The following DLX1 variants were observed in gnomAD, a reference collection of about 807,000 sequenced individuals.
DLX1 encodes homeobox protein DLX-1.
In DLX1, 7 loss-of-function variants were observed where a neutral mutation model predicts 25.0. The ratio of observed to expected loss-of-function variants is 0.28; its 90% CI spans 0.16 to 0.52. The LOEUF (loss-of-function observed/expected upper bound fraction) is 0.52. Among genes scored for constraint, DLX1 ranks in the 20% least tolerant of loss-of-function variants. DLX1 has a pLI of 0.96. For missense variants in DLX1, 233 were observed against 334.4 expected, an observed-to-expected ratio of 0.70 and a Z score of 2.37; for synonymous variants, 155 against 140.3, an observed-to-expected ratio of 1.10 and a Z score of -0.74.
In DLX1 at chr2:172,088,101, C is replaced by T. The variant is rs758559781; in HGVS notation, c.612C>T (p.Ala204=). The T allele has an allele frequency of 3.3e-5, 53 of 1,604,998 alleles. No homozygotes were observed. Among genetic ancestry groups the T allele is most frequent in the Non-Finnish European group, 4.3e-5 (50 of 1,175,624 alleles). ...LEGSALANGR[A]LSAGSPPVPP... is the part of the protein sequence containing the mutation. ...GTAGTGCGTTGGCCAACGGTCGGGC[C>T]CTGTCTGCTGGCTCCCCACCCGTGC... Residue 204 remains alanine (A), a synonymous_variant, in exon 3 of 3, where the codon GCC becomes GCT. Coordinates refer to ENST00000361725, the MANE Select transcript of DLX1 (RefSeq NM_178120.5).
chr2:172,086,317 C>A lies in DLX1; in HGVS notation c.313+327C>A, dbSNP rs554593374. On this transcript the variant is annotated intron_variant, in intron 1 of 2. Transcript: ENST00000361725. ...TGCCCCGCTGGAAAACAGAAACCCA[C>A]ATGTGCACGTATTAGTCTCGGTAAT... The A allele has an allele frequency of 3.8e-4, 180 of 472,672 alleles. 1 individual carries two copies. Among genetic ancestry groups the A allele is most frequent in the African/African-American group, 3.2e-3 (162 of 50,698 alleles). 29.3% of individuals were successfully genotyped at this position (472,672 alleles called of 1,614,324 possible).
rs1403464905 is a variant in DLX1 at position 172,087,519 on chromosome 2, C to A, written c.514-484C>A. On this transcript the variant is annotated intron_variant, in intron 2 of 2. Coordinates refer to ENST00000361725, the MANE Select transcript of DLX1 (RefSeq NM_178120.5). ...AGAGAAGTTCAGCAAAACCTTGAGGCCTCCTTAGTCCGTCCCAACTCAAGG... is the reference window on the plus strand; with the variant it reads ...AGAGAAGTTCAGCAAAACCTTGAGGACTCCTTAGTCCGTCCCAACTCAAGG... 1.1e-5 allele frequency: 5 copies of A among 459,432 alleles called. No homozygotes were observed. In the East Asian group the frequency reaches 3.5e-4, roughly 32 times the overall value. 28.5% of individuals were successfully genotyped at this position (459,432 alleles called of 1,614,324 possible). A position where few individuals can be genotyped will look rare whatever the true frequency, so the allele number is the denominator to read the frequency against.
intron 2 of DLX1, chr2:172,087,272 G>A: frequency 2.6e-6 from 1 of 384,506 alleles, no homozygotes; most frequent in South Asian, 2.0e-5. Context: ...CCTTCTTACC[G>A]GTTGGGGGTG....
chr2:172,086,402 C>T (rs1411349682), intron 1 of DLX1: 5 of 488,180 alleles, frequency 1.0e-5, no homozygotes, highest in Non-Finnish European at 1.4e-5. Context: ...ACCTCAACTA[C>T]CGCCTGCAAA....
chr2:172,087,401 C>T (rs1232861902), intron 2 of DLX1: 1 of 411,078 alleles, frequency 2.4e-6, no homozygotes, highest in South Asian at 1.7e-5. Context: ...TTCCTGACGG[C>T]GGCGGGCGCG....
rs1690916814 is a variant in DLX1 at position 172,088,885 on chromosome 2, T to C, written c.*628T>C. On this transcript the variant is annotated 3_prime_UTR_variant, in exon 3 of 3. Coordinates refer to ENST00000361725, the MANE Select transcript of DLX1 (RefSeq NM_178120.5). ...GACTTCGCCTGAGGCTGTTTGCCAA[T>C]TCAGGGTTCTGCTGGGCGCAAGGAA... 6.6e-6 allele frequency: 1 copy of C among 152,288 alleles called. No homozygotes were observed. The highest frequency in any genetic ancestry group is 1.5e-5 in the Non-Finnish European group (1 of 68,066). The allele number at this position is 152,288 out of a possible 1,614,324, so 9.4% of individuals were successfully genotyped here. A position where few individuals can be genotyped will look rare whatever the true frequency, so the allele number is the denominator to read the frequency against.
At position 172,085,641 on chromosome 2, in the gene DLX1, G is replaced by C. The variant is rs755111409; in HGVS notation, c.-37G>C. The C allele has an allele frequency of 6.3e-7, 1 of 1,585,662 alleles. No homozygotes were observed. Among genetic ancestry groups the C allele is most frequent in the Non-Finnish European group, 8.6e-7 (1 of 1,166,686 alleles). On this transcript the variant is annotated 5_prime_UTR_variant, in exon 1 of 3. Coordinates refer to ENST00000361725, the MANE Select transcript of DLX1 (RefSeq NM_178120.5). This position sits in a 1 kb window ranked among gnomAD's most constrained non-coding sequence, Gnocchi z 4.3. ...TAGAGACCCCCAAAAGGGAAGCAGA[G>C]GAGAGAAAGTCCCACACCCAGACCC...
rs2105519182 is a variant in DLX1 at position 172,086,528 on chromosome 2, A to T, written c.314-126A>T. The T allele has an allele frequency of 4.2e-6, 4 of 942,518 alleles. 1 individual carries two copies. The highest frequency in any genetic ancestry group is 1.9e-5 in the South Asian group (1 of 53,518). The allele number at this position is 942,518 out of a possible 1,614,324, so 58.4% of individuals were successfully genotyped here. On this transcript the variant is annotated intron_variant, in intron 1 of 2. Transcript: ENST00000361725. The stretch of plus-strand genomic sequence containing the variant: ...TGGGGGACCCTTCCCTGGCTTTCAG[A>T]GTTTCTTGAACGTTCTCTCCCTGGT...
intron 1 of DLX1, 88 bp downstream of exon 1, chr2:172,086,078 G>C: frequency 1.6e-6 from 1 of 618,332 alleles, no homozygotes; most frequent in Non-Finnish European, 2.4e-6. Flanking sequence ...GAGGGAGAGA[G>C]AGAGAAAGAG....
chr2:172,087,686 G>A, intron 2 of DLX1: 1 of 587,752 alleles, frequency 1.7e-6, no homozygotes, highest in East Asian at 3.8e-5. Context: ...TCTTCCGCAG[G>A]CGGTAGCCAC....
At chr2:172,086,583 C>T (rs1690842758) in intron 1 of DLX1, 71 bp from the exon 2 acceptor site, 8 of 1,423,266 alleles carry the variant, frequency 5.6e-6, no homozygotes, top group African/African-American at 2.9e-5. Context: ...GGTAGCCACT[C>T]GCTCTCGGCT....
rs1690830900 is a variant in DLX1, at chr2:172,085,988, C to T, written c.311C>T (p.Pro104Leu). Residue 104 changes from proline (P) to leucine (L), a missense_variant and splice_region_variant, in exon 1 of 3, where the codon CCA becomes CTA. By Grantham distance (98) the Pro-to-Leu change is moderately conservative (BLOSUM62 -3). This residue lies in a region of DLX1 where 126 missense variants were observed against 170.4 expected (regional missense o/e 0.74). Coordinates refer to ENST00000361725, the MANE Select transcript of DLX1 (RefSeq NM_178120.5). The surrounding 1 kb of genome is among the most constrained non-coding windows in gnomAD (Gnocchi z 4.3). ...CTCGCCCAGAGCCGCCTGGAGGACC[C>T]AGGTACGTGCGCTTGCCAGGGAGAG... is the stretch of plus-strand genomic sequence containing the variant. The part of the protein sequence containing the change: ...ASLAQSRLED[P>L]GADSEKSTVV... The T allele has an allele frequency of 1.2e-6, 2 of 1,608,270 alleles. No homozygotes were observed. The highest frequency in any genetic ancestry group is 1.3e-5 in the African/African-American group (1 of 74,786).
chr2:172,087,188 C>A (rs1000421233), intron 2 of DLX1: 1 of 524,834 alleles, frequency 1.9e-6, no homozygotes, highest in Non-Finnish European at 3.7e-6. Flanking sequence ...CGGGCTTAAT[C>A]CCTCCTTTGC....
rs1690903090 is a variant in DLX1 at position 172,088,302 on chromosome 2, C to G, written c.*45C>G. The G allele has an allele frequency of 2.1e-6, 3 of 1,418,198 alleles. No individual in the cohort carries two copies. The highest frequency in any genetic ancestry group is 1.9e-6 in the Non-Finnish European group (2 of 1,078,452). The allele number at this position is 1,418,198 out of a possible 1,614,324, so 87.9% of individuals were successfully genotyped here. ...TCTTGTCTCCCCGGCCCAGGTCCCT[C>G]CCGCCTCCAGGTCCATCCATCCCGT... On this transcript the variant is annotated 3_prime_UTR_variant, in exon 3 of 3. Transcript: ENST00000361725.
intron 1 of DLX1, chr2:172,086,283 A>T: frequency 4.0e-6 from 2 of 497,318 alleles, no homozygotes; most frequent in Non-Finnish European, 7.1e-6. Context: ...CGGTGTGCAG[A>T]GCACACAATG....
rs1462821285 is a variant in DLX1 at position 172,089,496 on chromosome 2, A to AT, written c.*1244dup. On this transcript the variant is annotated 3_prime_UTR_variant, in exon 3 of 3. Coordinates refer to ENST00000361725, the MANE Select transcript of DLX1 (RefSeq NM_178120.5). Reference sequence around the variant, plus strand: ...TGCTTTGTGAAATGAGAATCTTGACATTTTTCTTGTGAAATTTGGAAAATG... The same window carrying AT: ...TGCTTTGTGAAATGAGAATCTTGACATTTTTTCTTGTGAAATTTGGAAAATG... The AT allele has an allele frequency of 6.6e-6, 1 of 152,456 alleles. No homozygotes were observed. The highest frequency in any genetic ancestry group is 1.5e-5 in the Non-Finnish European group (1 of 68,002). The allele number at this position is 152,456 out of a possible 1,614,324, so 9.4% of individuals were successfully genotyped here.
At position 172,088,925 on chromosome 2, in the gene DLX1, GCA is replaced by G. The variant is rs1690917726; in HGVS notation, c.*670_*671del. On this transcript the variant is annotated 3_prime_UTR_variant, in exon 3 of 3. Coordinates refer to ENST00000361725, the MANE Select transcript of DLX1 (RefSeq NM_178120.5). ...GGCGCAAGGAACGCACTGTTCAAAC[GCA>G]CTGTTTACTTTAAGCGCACGGGGAG... The G allele has an allele frequency of 6.6e-6, 1 of 152,224 alleles. No individual in the cohort carries two copies. Among genetic ancestry groups the G allele is most frequent in the South Asian group, 2.1e-4 (1 of 4,828 alleles). The allele number at this position is 152,224 out of a possible 1,614,324, so 9.4% of individuals were successfully genotyped here.
intron 2 of DLX1, chr2:172,087,671 C>T (rs904590012): frequency 3.5e-6 from 2 of 566,448 alleles, no homozygotes. Flanking sequence ...TATGCAGGCG[C>T]TGTATCTTCC....
rs549538836 is a variant in DLX1, at chr2:172,089,040, G to T, written c.*783G>T. On this transcript the variant is annotated 3_prime_UTR_variant, in exon 3 of 3. Transcript: ENST00000361725. ...TGGAGAGTTTGGAGCCGAATGATTT[G>T]CATTTTTTACATGTCCGACATTATT... The T allele has an allele frequency of 6.6e-6, 1 of 152,304 alleles. No individual in the cohort carries two copies. Among genetic ancestry groups the T allele is most frequent in the African/African-American group, 2.4e-5 (1 of 41,562 alleles). The allele number at this position is 152,304 out of a possible 1,614,324, so 9.4% of individuals were successfully genotyped here. A position where few individuals can be genotyped will look rare whatever the true frequency, so the allele number is the denominator to read the frequency against.
Sources: gnomAD v4.1 joint callset for allele counts on GRCh38, gnomAD v4.1.1 for gene constraint, gnomAD v4.1.1 regional missense constraint, Gnocchi (gnomAD v3.1) non-coding constraint, MANE v1.5 for transcripts, NCBI Gene and HGNC (gene_info 2026-07-23, HGNC 2026-07-21) for gene names.